OPCML: variants seen among roughly 807,000 people sequenced by gnomAD.
The protein encoded by OPCML is opioid binding protein/cell adhesion molecule like, also known as opioid-binding protein/cell adhesion molecule.
In OPCML, 13 loss-of-function variants were observed where a neutral mutation model predicts 37.8. That is an observed-to-expected ratio of 0.34 (90% CI 0.22 to 0.55). OPCML has a LOEUF of 0.55. OPCML is among the 20% of genes least tolerant of loss of function. The probability of loss-of-function intolerance (pLI) is 0.91; values close to 1 mark genes in which losing one functional copy is unlikely to be tolerated. For missense variants in OPCML, 341 were observed against 435.6 expected, an observed-to-expected ratio of 0.78 and a Z score of 1.93; for synonymous variants, 176 against 168.8, an observed-to-expected ratio of 1.04 and a Z score of -0.33.
At chr11:133,051,085 A>ACC (rs34094003) in intron 1 of OPCML, among the ~76,000 whole-genome samples, 11 of 148,742 alleles carry the variant, frequency 7.4e-5, no homozygotes, top group East Asian at 2.0e-4. Context: ...ACACACACAC[A>ACC]CCTCTCAAAG....
intron 1 of OPCML, among the ~76,000 whole-genome samples, chr11:133,498,693 T>C (rs574177054): frequency 6.6e-6 from 1 of 152,294 alleles, no homozygotes; most frequent in East Asian, 1.9e-4. Context: ...TCCAGTAGCG[T>C]CGCACATCTG....
chr11:132,722,256 A>T (rs1166344980), intron 2 of OPCML, among the ~76,000 whole-genome samples: 3 of 147,538 alleles, frequency 2.0e-5, no homozygotes, highest in African/African-American at 5.0e-5. Context: ...CGTCCGGCCT[A>T]TTTTTTTTTT....
intron 1 of OPCML, among the ~76,000 whole-genome samples, chr11:133,000,573 G>A (rs1212113948): frequency 6.6e-6 from 1 of 152,322 alleles, no homozygotes; most frequent in African/African-American, 2.4e-5. Flanking sequence ...TTGCAGCTGG[G>A]TTTATCCTTT....
chr11:132,977,880 T>C (rs1450486048), intron 1 of OPCML, among the ~76,000 whole-genome samples: 1 of 152,224 alleles, frequency 6.6e-6, no homozygotes, highest in East Asian at 1.9e-4. Flanking sequence ...AAGGAGTTTA[T>C]GATCTCATTG....
At chr11:133,216,745 C>CTA (rs1939599857) in intron 1 of OPCML, among the ~76,000 whole-genome samples, 1 of 152,156 alleles carries the variant, frequency 6.6e-6, no homozygotes, top group Non-Finnish European at 1.5e-5. Context: ...GGCTTATTAA[C>CTA]TATCATGTAA....
At chr11:133,318,675 C>A (rs949263969) in intron 1 of OPCML, among the ~76,000 whole-genome samples, 1 of 152,146 alleles carries the variant, frequency 6.6e-6, no homozygotes, top group South Asian at 2.1e-4. Context: ...TCTGCTAGTT[C>A]ACCCTGTCGC....
rs1045702378 is a variant in OPCML, at chr11:133,361,578, C to G, written c.61+170686G>C. 4 of 162,862 alleles carry G rather than the reference C, an allele frequency of 2.5e-5. No individual in the cohort carries two copies. In the Admixed American group the frequency reaches 2.6e-4, roughly 11 times the overall value. The allele number at this position is 162,862 out of a possible 1,614,324, so 10.1% of individuals were successfully genotyped here. On this transcript the variant is annotated intron_variant, in intron 1 of 7. Coordinates refer to ENST00000524381, the MANE Select transcript of OPCML (RefSeq NM_001012393.5). ...GGGCACCTGCAGCTACTCCGGGGCACCTGCAGCTATTCCGGGGCACCTGCA... is the reference window on the plus strand; with the variant it reads ...GGGCACCTGCAGCTACTCCGGGGCAGCTGCAGCTATTCCGGGGCACCTGCA...
At chr11:132,810,638 C>A (rs1939287315) in intron 2 of OPCML, among the ~76,000 whole-genome samples, 1 of 152,182 alleles carries the variant, frequency 6.6e-6, no homozygotes, top group African/African-American at 2.4e-5. Context: ...TTGCAGTGAG[C>A]TGAGATCGTG....
intron 1 of OPCML, among the ~76,000 whole-genome samples, chr11:133,412,283 G>A (rs1443764034): frequency 1.3e-5 from 2 of 152,184 alleles, no homozygotes; most frequent in Non-Finnish European, 2.9e-5. Flanking sequence ...GAGCACAGCT[G>A]TCCCACAGTG....
At chr11:133,459,096 G>T (rs1039592785) in intron 1 of OPCML, among the ~76,000 whole-genome samples, 3 of 151,976 alleles carry the variant, frequency 2.0e-5, no homozygotes, top group African/African-American at 7.2e-5. Flanking sequence ...TTGGGGAGGA[G>T]GAGCTGTAAA....
intron 1 of OPCML, among the ~76,000 whole-genome samples, chr11:133,082,997 T>C: frequency 6.6e-6 from 1 of 151,082 alleles, no homozygotes; most frequent in Non-Finnish European, 1.5e-5. Context: ...AGGGCGCCCG[T>C]CAGCGCCGGA....
Position 132,437,276 on chromosome 11 carries a change from C to T in OPCML, c.589G>A (p.Ala197Thr), listed in dbSNP as rs1329637663. ...TCGGGCGCAGCGACATCGTTCAACG[C>T]GCTGCATTCGTACTCCCCGGACTGG... ...RDQSGEYECS[A>T]LNDVAAPDVR... Residue 197 changes from alanine to threonine, a missense_variant, in exon 5 of 8, where the codon GCG (alanine) becomes ACG (threonine). Physicochemically the swap from Ala to Thr is moderately conservative, Grantham distance 58. Transcript: ENST00000524381. 4.3e-6 allele frequency: 7 copies of T among 1,614,202 alleles called. No homozygotes were observed. The highest frequency in any genetic ancestry group is 1.3e-5 in the African/African-American group (1 of 75,042).
chr11:132,971,318 T>C (rs1946338934), intron 1 of OPCML, among the ~76,000 whole-genome samples: 1 of 152,204 alleles, frequency 6.6e-6, no homozygotes, highest in Non-Finnish European at 1.5e-5. Context: ...CTGTGCCACT[T>C]TTCTTCTATT....
intron 1 of OPCML, among the ~76,000 whole-genome samples, chr11:133,079,058 C>T (rs796715919): frequency 1.3e-5 from 2 of 152,248 alleles, no homozygotes; most frequent in South Asian, 4.2e-4. Context: ...ATTCCTTCCT[C>T]CCACCCAGTT....
At chr11:132,636,691 C>A (rs369944238) in intron 3 of OPCML, among the ~76,000 whole-genome samples, 29 of 152,180 alleles carry the variant, frequency 1.9e-4, no homozygotes, top group East Asian at 1.2e-3. Flanking sequence ...CATTCAACCC[C>A]TTCAGGACCT....
At chr11:133,094,321 T>C (rs73039137) in intron 1 of OPCML, among the ~76,000 whole-genome samples, 5,999 of 152,262 alleles carry the variant, frequency 0.039, 161 homozygotes, top group Middle Eastern at 0.12. Context: ...AAATTTACCA[T>C]ACAAAGTTTA....
chr11:133,490,170 T>G (rs1304989877), intron 1 of OPCML, among the ~76,000 whole-genome samples: 1 of 152,156 alleles, frequency 6.6e-6, no homozygotes, highest in Non-Finnish European at 1.5e-5. Context: ...CACACCACTG[T>G]GCCCAGGACG....
intron 2 of OPCML, among the ~76,000 whole-genome samples, chr11:132,905,133 A>G (rs1372436383): frequency 6.6e-6 from 1 of 150,876 alleles, no homozygotes; most frequent in Non-Finnish European, 1.5e-5. Flanking sequence ...TTACATACCC[A>G]TTTTATAATT....
At chr11:132,476,973 G>A (rs1010743498) in intron 4 of OPCML, among the ~76,000 whole-genome samples, 8 of 152,048 alleles carry the variant, frequency 5.3e-5, no homozygotes, top group Admixed American at 4.6e-4. Flanking sequence ...CTTTTAATCT[G>A]AGTATCCATT....
Sources: gnomAD v4.1 joint callset for allele counts (sites outside exome capture counted in the v4.1 genomes callset) on GRCh38, gnomAD v4.1.1 for gene constraint, MANE v1.5 for transcripts, NCBI Gene and HGNC (gene_info 2026-07-23, HGNC 2026-07-21) for gene names.